The following CSNK1G1 variants were observed in gnomAD, a reference collection of about 807,000 sequenced individuals.
CSNK1G1 encodes the protein casein kinase 1 gamma 1.
A neutral mutation model predicts 59.6 loss-of-function variants in CSNK1G1; 22 were observed. The ratio of observed to expected loss-of-function variants is 0.37; its 90% CI spans 0.26 to 0.53. The LOEUF (loss-of-function observed/expected upper bound fraction) is 0.53. Ranked by LOEUF, CSNK1G1 falls within the 20% of genes least tolerant of loss-of-function variation. The pLI is 0.89. For missense variants in CSNK1G1, 384 were observed against 519.5 expected, an observed-to-expected ratio of 0.74 and a Z score of 2.54; for synonymous variants, 179 against 177.1, an observed-to-expected ratio of 1.01 and a Z score of -0.08.
chr15:64,271,700 T>G (rs1893316482), intron 2 of CSNK1G1, among the ~76,000 whole-genome samples: 1 of 152,222 alleles, frequency 6.6e-6, no homozygotes, highest in Non-Finnish European at 1.5e-5. Flanking sequence ...GATTTTAGAG[T>G]ATATGCCATG....
intron 1 of CSNK1G1, among the ~76,000 whole-genome samples, chr15:64,322,949 T>C (rs558705202): frequency 3.3e-5 from 5 of 152,076 alleles, no homozygotes; most frequent in Admixed American, 3.3e-4. Flanking sequence ...TGTTTTTTTT[T>C]TTCCTCGCTC....
chr15:64,287,481 T>G (rs746531077), intron 2 of CSNK1G1, among the ~76,000 whole-genome samples: 27 of 152,188 alleles, frequency 1.8e-4, no homozygotes, highest in Non-Finnish European at 3.2e-4. Context: ...TTAGGACTTT[T>G]GTTCAACTCT....
At chr15:64,254,213 G>A (rs535280588) in intron 3 of CSNK1G1, among the ~76,000 whole-genome samples, 2 of 152,074 alleles carry the variant, frequency 1.3e-5, no homozygotes, top group African/African-American at 4.8e-5. Flanking sequence ...AATGGTGGTT[G>A]CCAAGGGGTT....
chr15:64,257,446 G>C (rs1385098861), intron 3 of CSNK1G1, among the ~76,000 whole-genome samples: 3 of 151,968 alleles, frequency 2.0e-5, no homozygotes, highest in Non-Finnish European at 4.4e-5. Context: ...TAATAAAACA[G>C]AAAAAGTAAA....
chr15:64,281,630 G>C (rs1436668302), intron 2 of CSNK1G1, among the ~76,000 whole-genome samples: 1 of 152,074 alleles, frequency 6.6e-6, no homozygotes, highest in Non-Finnish European at 1.5e-5. Context: ...CTGAGGTCAG[G>C]AGTTCAAGGC....
intron 2 of CSNK1G1, among the ~76,000 whole-genome samples, chr15:64,288,943 G>A (rs1307144902): frequency 1.3e-5 from 2 of 152,024 alleles, no homozygotes; most frequent in African/African-American, 2.4e-5. Context: ...GGGAAGCCAA[G>A]GTGGGCAGAT....
Position 64,168,103 on chromosome 15 carries a change from T to A in CSNK1G1, c.*3828A>T, listed in dbSNP as rs2081623379. On this transcript the variant is annotated 3_prime_UTR_variant, in exon 12 of 12. Coordinates refer to ENST00000303052, the MANE Select transcript of CSNK1G1 (RefSeq NM_022048.5). ...TGATGGACAGGGACTGTTTTCTAAG[T>A]ACTTGGAGTTCATTTAGAAAAAAGA... The A allele has an allele frequency of 6.6e-6, 1 of 152,620 alleles. No homozygotes were observed. The highest frequency in any genetic ancestry group is 2.4e-5 in the African/African-American group (1 of 41,454). 9.5% of individuals were successfully genotyped at this position (152,620 alleles called of 1,614,324 possible).
At chr15:64,252,353 A>G (rs1892135253) in intron 3 of CSNK1G1, among the ~76,000 whole-genome samples, 1 of 151,956 alleles carries the variant, frequency 6.6e-6, no homozygotes, top group Non-Finnish European at 1.5e-5. Flanking sequence ...TGGGACCACA[A>G]GTGTGTGCCA....
At chr15:64,207,133 T>G (rs1567373578) in intron 7 of CSNK1G1, among the ~76,000 whole-genome samples, 1 of 151,872 alleles carries the variant, frequency 6.6e-6, no homozygotes, top group East Asian at 1.9e-4. Context: ...CAAGGAAAAA[T>G]TAAGAAACGG....
rs1161506109 is a variant in CSNK1G1, at chr15:64,167,781, C to T, written c.*4150G>A. Reference sequence around the variant, plus strand: ...AGGCATGTGGGCTTGGGAGATGCATCAAACGAAAGTTCCTCTGAGAAGACG... The same window carrying T: ...AGGCATGTGGGCTTGGGAGATGCATTAAACGAAAGTTCCTCTGAGAAGACG... On this transcript the variant is annotated 3_prime_UTR_variant, in exon 12 of 12. Coordinates refer to ENST00000303052, the MANE Select transcript of CSNK1G1 (RefSeq NM_022048.5). 1 of 152,564 alleles carries T rather than the reference C, an allele frequency of 6.6e-6. No individual in the cohort carries two copies. Among genetic ancestry groups the T allele is most frequent in the Non-Finnish European group, 1.5e-5 (1 of 68,040 alleles). The allele number at this position is 152,564 out of a possible 1,614,324, so 9.5% of individuals were successfully genotyped here.
At chr15:64,186,233 A>C (rs2081893913) in intron 10 of CSNK1G1, among the ~76,000 whole-genome samples, 1 of 152,086 alleles carries the variant, frequency 6.6e-6, no homozygotes, top group Non-Finnish European at 1.5e-5. Flanking sequence ...CAGCCTCCCA[A>C]GTAGCTGGGA....
At chr15:64,299,517 G>A (rs1464884167) in intron 2 of CSNK1G1, among the ~76,000 whole-genome samples, 2 of 151,668 alleles carry the variant, frequency 1.3e-5, no homozygotes, top group Non-Finnish European at 2.9e-5. Context: ...GCATGAACCC[G>A]GGAGGCAGAG....
In CSNK1G1 at chr15:64,238,645, A is replaced by G. The variant is rs960972761; in HGVS notation, c.292+12867T>C. On this transcript the variant is annotated intron_variant, in intron 4 of 11. Coordinates refer to ENST00000303052, the MANE Select transcript of CSNK1G1 (RefSeq NM_022048.5). ...AAAAATGGGAAAAAAAGAAACAACC[A>G]CATAAAGTGCCTATTAGACTGAGCC... 2.6e-5 allele frequency among the ~76,000 whole-genome samples: 4 copies of G among 151,014 alleles called. No individual in the cohort carries two copies. The South Asian group carries it at 8.4e-4, about 32-fold the overall frequency.
At chr15:64,265,139 T>G (rs1482983645) in intron 2 of CSNK1G1, among the ~76,000 whole-genome samples, 1 of 152,106 alleles carries the variant, frequency 6.6e-6, no homozygotes, top group East Asian at 1.9e-4. Flanking sequence ...CAAAAAACTA[T>G]TAGAATAAAT....
intron 6 of CSNK1G1, among the ~76,000 whole-genome samples, chr15:64,212,869 G>A (rs1249053914): frequency 6.6e-6 from 1 of 152,080 alleles, no homozygotes; most frequent in Non-Finnish European, 1.5e-5. Context: ...AGCCAGGTGT[G>A]GTGATGCATG....
Position 64,287,057 on chromosome 15 carries a change from T to C in CSNK1G1, c.181+13262A>G, listed in dbSNP as rs142248516. Among the ~76,000 whole-genome samples the C allele has an allele frequency of 1.1e-3, 166 of 152,272 alleles. 2 individuals are homozygous for C. Among genetic ancestry groups the C allele is most frequent in the African/African-American group, 3.8e-3 (159 of 41,556 alleles). On this transcript the variant is annotated intron_variant, in intron 2 of 11. Transcript: ENST00000303052. Reference sequence around the variant, plus strand: ...TTTATTCTGATGTCTTTTGTAACTATTTTTTTCTGGCTTGTGGTATTTCAA... The same window carrying C: ...TTTATTCTGATGTCTTTTGTAACTACTTTTTTCTGGCTTGTGGTATTTCAA...
Position 64,303,573 on chromosome 15 carries a change from G to A in CSNK1G1, c.-224-2850C>T, listed in dbSNP as rs568158562. Among the ~76,000 whole-genome samples, 6 of 151,876 alleles carry A rather than the reference G, an allele frequency of 4.0e-5. No individual in the cohort carries two copies. In the South Asian group the frequency reaches 6.3e-4, roughly 16 times the overall value. ...TCAAGACCAGCCTGGCCAATATGACGAAACCCCATCTCTACTAAAAACAAA... is the reference window on the plus strand; with the variant it reads ...TCAAGACCAGCCTGGCCAATATGACAAAACCCCATCTCTACTAAAAACAAA... On this transcript the variant is annotated intron_variant, in intron 1 of 11. Transcript: ENST00000303052.
At chr15:64,206,578 C>T (rs2082184111) in intron 7 of CSNK1G1, among the ~76,000 whole-genome samples, 1 of 91,296 alleles carries the variant, frequency 1.1e-5, no homozygotes, top group Admixed American at 1.9e-4. Context: ...CAGAGTGAAA[C>T]TCTGTCTCAA....
At position 64,204,964 on chromosome 15, in the gene CSNK1G1, G is replaced by C. The variant is rs1357627671; in HGVS notation, c.766-15C>G. 6.7e-7 allele frequency: 1 copy of C among 1,495,456 alleles called. No homozygotes were observed. The highest frequency in any genetic ancestry group is 1.8e-5 in the Admixed American group (1 of 56,158). The allele number at this position is 1,495,456 out of a possible 1,614,324, so 92.6% of individuals were successfully genotyped here. A position where few individuals can be genotyped will look rare whatever the true frequency, so the allele number is the denominator to read the frequency against. ...AATGTGTCAGCCTGTAGAGAGTAAA[G>C]AGAGAAAGTTACTTTAAAAGAGGGC... is the stretch of plus-strand genomic sequence containing the variant. On this transcript the variant is annotated splice_polypyrimidine_tract_variant and intron_variant, in intron 7 of 11. Transcript: ENST00000303052.
Sources: gnomAD v4.1 joint callset for allele counts (sites outside exome capture counted in the v4.1 genomes callset) on GRCh38, gnomAD v4.1.1 for gene constraint, MANE v1.5 for transcripts, NCBI Gene and HGNC (gene_info 2026-07-23, HGNC 2026-07-21) for gene names.